Variants in TSFM observed in about 807,000 individuals in gnomAD.
The protein encoded by TSFM is Ts translation elongation factor, mitochondrial, also known as elongation factor Ts, mitochondrial.
A neutral mutation model predicts 33.4 loss-of-function variants in TSFM; 29 were observed. The ratio of observed to expected loss-of-function variants is 0.87; its 90% CI spans 0.65 to 1.18. The LOEUF is 1.18. Among genes scored for constraint, TSFM ranks in the 50% most tolerant of loss-of-function variants. The pLI is 0.00. For missense variants in TSFM, 394 were observed against 395.6 expected, an observed-to-expected ratio of 1.00 and a Z score of 0.04; for synonymous variants, 178 against 163.5, an observed-to-expected ratio of 1.09 and a Z score of -0.68.
chr12:57,795,881 G>T (rs1955730324), intron 5 of TSFM, among the ~76,000 whole-genome samples: 1 of 152,112 alleles, frequency 6.6e-6, no homozygotes, highest in Non-Finnish European at 1.5e-5. Context: ...CTCCCAAAGT[G>T]CTGGGATTAC....
At chr12:57,800,941 T>A (rs1367762461), downstream of TSFM, among the ~76,000 whole-genome samples, 2 of 151,460 alleles carry the variant, frequency 1.3e-5, no homozygotes, top group African/African-American at 2.5e-5. Context: ...CAAGTCTGTT[T>A]GAAAATCTGG....
Position 57,796,981 on chromosome 12 carries a change from T to A in TSFM, c.*398T>A. ...TTCTGCCTCGGAACCTCCCTAGTTA[T>A]ATTACTTGTGCCACATGGATTTCTT... is the stretch of plus-strand genomic sequence containing the variant. On this transcript the variant is annotated 3_prime_UTR_variant, in exon 6 of 6. Transcript: ENST00000652027. 1.0e-6 allele frequency: 1 copy of A among 987,068 alleles called. No homozygotes were observed. Among genetic ancestry groups the A allele is most frequent in the Non-Finnish European group, 1.2e-6 (1 of 831,098 alleles). 61.1% of individuals were successfully genotyped at this position (987,068 alleles called of 1,614,324 possible).
At chr12:57,792,072 C>T (rs1364039540) in intron 4 of TSFM, 1 of 200,954 alleles carries the variant, frequency 5.0e-6, no homozygotes. Flanking sequence ...GAAACCCTGT[C>T]TCCACTAAAA....
intron 4 of TSFM, chr12:57,791,898 C>A (rs948850009): frequency 4.2e-5 from 14 of 336,640 alleles, no homozygotes; most frequent in African/African-American, 2.9e-4. Context: ...ATTTTGCATT[C>A]CCATCAAAAA....
At chr12:57,793,513 C>T (rs567065415) in intron 5 of TSFM, among the ~76,000 whole-genome samples, 2 of 152,318 alleles carry the variant, frequency 1.3e-5, no homozygotes, top group Non-Finnish European at 2.9e-5. Flanking sequence ...TGAGCCACCG[C>T]GCCCGGCCAC....
intron 2 of TSFM, 64 bp from the exon 3 acceptor site, chr12:57,786,099 A>G: frequency 6.7e-7 from 1 of 1,498,556 alleles, no homozygotes; most frequent in African/African-American, 1.4e-5. Context: ...AGTATATCTT[A>G]GAACTACATT....
At chr12:57,799,002 G>A (rs898222194), downstream of TSFM, among the ~76,000 whole-genome samples, 8 of 152,200 alleles carry the variant, frequency 5.3e-5, no homozygotes, top group Admixed American at 4.6e-4. Flanking sequence ...TGTTGTAGGT[G>A]CAGAGAAGCT....
chr12:57,801,179 G>C, downstream of TSFM: 1 of 1,613,654 alleles, frequency 6.2e-7, no homozygotes, highest in Non-Finnish European at 8.5e-7. Context: ...GCATCTCCCA[G>C]CTCTTCTTTT....
chr12:57,792,597 C>CT lies in TSFM; in HGVS notation c.484-377dup, dbSNP rs879935902. ...GTCTTAAAGAATGTTTTCTTTCTTT[C>CT]TTTTTTTTTTTTGAGATGGAGTCTC... On this transcript the variant is annotated intron_variant, in intron 4 of 5. Transcript: ENST00000652027. Among the ~76,000 whole-genome samples, 1,204 of 145,038 alleles carry CT rather than the reference C, an allele frequency of 8.3e-3. 12 individuals carry two copies. Among genetic ancestry groups the CT allele is most frequent in the Middle Eastern group, 0.036 (10 of 280 alleles).
chr12:57,801,486 TC>T, downstream of TSFM: 1 of 258,168 alleles, frequency 3.9e-6, no homozygotes, highest in Non-Finnish European at 7.6e-6. Context: ...ATGCCTGTAA[TC>T]CCAGCACTTT....
chr12:57,797,849 TG>T, downstream of TSFM: 18 of 1,492,804 alleles, frequency 1.2e-5, no homozygotes, highest in Non-Finnish European at 1.6e-5. Flanking sequence ...TGCTCTTTTC[TG>T]TGGCCTTGCA....
At chr12:57,790,611 T>A (rs1268752158) in intron 4 of TSFM, among the ~76,000 whole-genome samples, 1 of 152,184 alleles carries the variant, frequency 6.6e-6, no homozygotes, top group Non-Finnish European at 1.5e-5. Flanking sequence ...TTGTAGTTCT[T>A]TTTGTCTTTA....
chr12:57,800,306 C>G (rs1042280521), downstream of TSFM: 3 of 169,622 alleles, frequency 1.8e-5, no homozygotes, highest in African/African-American at 7.2e-5. Context: ...TTTAAAGATA[C>G]TACATCAACA....
At chr12:57,799,956 C>T, downstream of TSFM, 5 of 1,612,374 alleles carry the variant, frequency 3.1e-6, no homozygotes, top group Non-Finnish European at 4.2e-6. Flanking sequence ...AGGGAAAAGA[C>T]TCCTCAGTGT....
Position 57,796,246 on chromosome 12 carries a change from G to C in TSFM, c.641G>C (p.Gly214Ala), listed in dbSNP as rs1396936909. ...WVKVPSGFYV[G>A]SYVHGAMQSP... The stretch of plus-strand genomic sequence containing the variant: ...AAGGTGCCATCTGGGTTCTACGTTG[G>C]CTCTTATGTCCACGGAGCAATGCAG... The change falls in exon 6 of 6, where the codon GGC (glycine) becomes GCC (alanine). Residue 214 changes from glycine (G) to alanine (A), a missense_variant. Gly to Ala is a moderately conservative substitution (Grantham distance 60, BLOSUM62 0). This residue lies in a region of TSFM where 186 missense variants were observed against 198.8 expected (regional missense o/e 0.94). Coordinates refer to ENST00000652027, the MANE Select transcript of TSFM (RefSeq NM_005726.6). 1 of 1,613,280 alleles carries C rather than the reference G, an allele frequency of 6.2e-7. No individual in the cohort carries two copies. The highest frequency in any genetic ancestry group is 2.2e-5 in the East Asian group (1 of 44,896).
downstream of TSFM, among the ~76,000 whole-genome samples, chr12:57,801,858 A>G (rs187485117): frequency 3.3e-5 from 5 of 152,356 alleles, no homozygotes; most frequent in African/African-American, 4.8e-5. Flanking sequence ...ATAGGGAGCA[A>G]TACTTCTACT....
chr12:57,796,636 A>G lies in TSFM; in HGVS notation c.*53A>G, dbSNP rs1595149152. 7.7e-7 allele frequency: 1 copy of G among 1,300,986 alleles called. No homozygotes were observed. Among genetic ancestry groups the G allele is most frequent in the East Asian group, 2.8e-5 (1 of 36,058 alleles). 80.6% of individuals were successfully genotyped at this position (1,300,986 alleles called of 1,614,324 possible). A position where few individuals can be genotyped will look rare whatever the true frequency, so the allele number is the denominator to read the frequency against. On this transcript the variant is annotated 3_prime_UTR_variant, in exon 6 of 6. Coordinates refer to ENST00000652027, the MANE Select transcript of TSFM (RefSeq NM_005726.6). The stretch of plus-strand genomic sequence containing the variant: ...ATATTTACTTTTAGCTCTGGACATC[A>G]TTACAAAAAGGAATATTTCCCAAAC...
intron 2 of TSFM, among the ~76,000 whole-genome samples, chr12:57,785,938 A>G (rs1329596178): frequency 6.6e-6 from 1 of 152,214 alleles, no homozygotes; most frequent in African/African-American, 2.4e-5. Flanking sequence ...AGAAAATACA[A>G]CTGTGTGCCC....
downstream of TSFM, chr12:57,802,232 C>T: frequency 1.2e-6 from 2 of 1,614,186 alleles, no homozygotes; most frequent in Non-Finnish European, 1.7e-6. Context: ...GCTTAATGAT[C>T]AGGATTGGTG....
Sources: allele counts gnomAD v4.1 joint callset (sites outside exome capture counted in the v4.1 genomes callset), GRCh38; gene constraint gnomAD v4.1.1; regional missense constraint gnomAD v4.1.1; transcripts MANE v1.5; gene names NCBI Gene and HGNC (gene_info 2026-07-23, HGNC 2026-07-21).